SGCZ: variants seen among roughly 807,000 people sequenced by gnomAD.
SGCZ encodes zeta-sarcoglycan.
In SGCZ, 40 loss-of-function variants were observed where a neutral mutation model predicts 41.3. That is an observed-to-expected ratio of 0.97 (90% CI 0.75 to 1.26). The LOEUF is 1.26. SGCZ is among the 50% of genes most tolerant of loss of function. The pLI is 0.00. For synonymous variants in SGCZ, 206 were observed against 137.5 expected, an observed-to-expected ratio of 1.50 and a Z score of -3.49; for missense variants, 552 against 369.8, an observed-to-expected ratio of 1.49 and a Z score of -4.04.
intron 1 of SGCZ, among the ~76,000 whole-genome samples, chr8:14,735,737 G>A (rs1273858238): frequency 6.6e-6 from 1 of 152,068 alleles, no homozygotes; most frequent in Non-Finnish European, 1.5e-5. Context: ...TCCCTCTGGA[G>A]AATCCTGACT....
intron 1 of SGCZ, among the ~76,000 whole-genome samples, chr8:14,849,009 T>G (rs1803229174): frequency 6.6e-6 from 1 of 152,072 alleles, no homozygotes; most frequent in Non-Finnish European, 1.5e-5. Context: ...AATTAAAAAT[T>G]TAGTAAAATA....
chr8:15,109,761 A>G (rs545198959), intron 1 of SGCZ, among the ~76,000 whole-genome samples: 131 of 152,308 alleles, frequency 8.6e-4, no homozygotes, highest in African/African-American at 2.7e-3. Flanking sequence ...TAGTTTTGTG[A>G]ACATGTTAGC....
intron 1 of SGCZ, among the ~76,000 whole-genome samples, chr8:14,781,506 A>G (rs1472218448): frequency 6.6e-6 from 1 of 152,138 alleles, no homozygotes; most frequent in Non-Finnish European, 1.5e-5. Flanking sequence ...TGGCATTTAC[A>G]GCCTGAGCCA....
rs573983950 is a variant in SGCZ at position 14,375,107 on chromosome 8, T to C, written c.235-50903A>G. Among the ~76,000 whole-genome samples the C allele has an allele frequency of 8.9e-5, 13 of 145,960 alleles. No homozygotes were observed. In the South Asian group the frequency reaches 1.3e-3, roughly 14 times the overall value. On this transcript the variant is annotated intron_variant, in intron 2 of 7. Coordinates refer to ENST00000382080, the MANE Select transcript of SGCZ (RefSeq NM_139167.4). ...CAGAAAAGGGGGACAATCAGATAGA[T>C]AGATAGACAGACAGACAGACAGACA...
At chr8:14,978,781 C>A (rs1801570969) in intron 1 of SGCZ, among the ~76,000 whole-genome samples, 1 of 144,530 alleles carries the variant, frequency 6.9e-6, no homozygotes, top group African/African-American at 2.5e-5. Flanking sequence ...GATTTCCTGC[C>A]ATCAGAGTTT....
chr8:14,528,872 T>C (rs1346147791), intron 2 of SGCZ, among the ~76,000 whole-genome samples: 1 of 143,262 alleles, frequency 7.0e-6, no homozygotes, highest in Non-Finnish European at 1.5e-5. Flanking sequence ...AGTGCCAAAA[T>C]CTTCAAATTT....
At chr8:14,736,223 C>G (rs1799024820) in intron 1 of SGCZ, among the ~76,000 whole-genome samples, 1 of 152,070 alleles carries the variant, frequency 6.6e-6, no homozygotes, top group Non-Finnish European at 1.5e-5. Flanking sequence ...ACCTTTTGTT[C>G]TTCTGATTTC....
intron 1 of SGCZ, among the ~76,000 whole-genome samples, chr8:15,152,438 G>A (rs184306223): frequency 2.6e-5 from 4 of 152,284 alleles, no homozygotes; most frequent in Admixed American, 2.0e-4. Flanking sequence ...GAGAAACAAG[G>A]TGTTAGAACA....
At chr8:15,034,348 C>A (rs980862783) in intron 1 of SGCZ, among the ~76,000 whole-genome samples, 1 of 151,824 alleles carries the variant, frequency 6.6e-6, no homozygotes, top group Non-Finnish European at 1.5e-5. Context: ...GCATCACTAG[C>A]AGAAGTGATC....
At chr8:14,223,362 G>T (rs957404103) in intron 4 of SGCZ, among the ~76,000 whole-genome samples, 1 of 151,966 alleles carries the variant, frequency 6.6e-6, no homozygotes, top group Non-Finnish European at 1.5e-5. Flanking sequence ...CTTTACATTT[G>T]TAAGTTAATT....
intron 4 of SGCZ, among the ~76,000 whole-genome samples, chr8:14,205,919 T>C (rs948754010): frequency 5.3e-5 from 8 of 152,144 alleles, no homozygotes; most frequent in Non-Finnish European, 1.2e-4. Context: ...TAGGGCATTT[T>C]TCTCTATTTT....
Position 14,399,269 on chromosome 8 carries a change from T to C in SGCZ, c.235-75065A>G, listed in dbSNP as rs141273778. On this transcript the variant is annotated intron_variant, in intron 2 of 7. Coordinates refer to ENST00000382080, the MANE Select transcript of SGCZ (RefSeq NM_139167.4). ...ATAATACTTATTGTTTGTCACAAAATAATCTGTGACCATAATTGCTTAGAT... is the reference window on the plus strand; with the variant it reads ...ATAATACTTATTGTTTGTCACAAAACAATCTGTGACCATAATTGCTTAGAT... Among the ~76,000 whole-genome samples, 26 of 152,288 alleles carry C rather than the reference T, an allele frequency of 1.7e-4. No individual in the cohort carries two copies. In the East Asian group the frequency reaches 5.0e-3, roughly 29 times the overall value.
intron 2 of SGCZ, among the ~76,000 whole-genome samples, chr8:14,338,841 C>A (rs773117960): frequency 6.6e-6 from 1 of 151,984 alleles, no homozygotes; most frequent in Non-Finnish European, 1.5e-5. Context: ...TGCCCTATGA[C>A]AAGAGTGCTC....
intron 2 of SGCZ, among the ~76,000 whole-genome samples, chr8:14,533,279 C>A (rs1803192726): frequency 6.6e-6 from 1 of 151,754 alleles, no homozygotes; most frequent in Non-Finnish European, 1.5e-5. Flanking sequence ...TTGTGTACAT[C>A]CAATGTACCT....
At chr8:14,913,564 G>A (rs1309283607) in intron 1 of SGCZ, among the ~76,000 whole-genome samples, 1 of 152,008 alleles carries the variant, frequency 6.6e-6, no homozygotes, top group East Asian at 1.9e-4. Context: ...ATGTTAAGAT[G>A]TCTCTGCAAC....
At chr8:14,180,353 T>C (rs1252822610) in intron 4 of SGCZ, among the ~76,000 whole-genome samples, 1 of 152,074 alleles carries the variant, frequency 6.6e-6, no homozygotes, top group Non-Finnish European at 1.5e-5. Context: ...CTTGGACCTA[T>C]CCACTCTGAA....
At chr8:15,063,918 A>G (rs1473769776) in intron 1 of SGCZ, among the ~76,000 whole-genome samples, 1 of 152,126 alleles carries the variant, frequency 6.6e-6, no homozygotes, top group African/African-American at 2.4e-5. Context: ...GCCCTGAGTC[A>G]AGGTTTGTAT....
At chr8:14,398,105 A>G (rs1234010704) in intron 2 of SGCZ, among the ~76,000 whole-genome samples, 1 of 152,128 alleles carries the variant, frequency 6.6e-6, no homozygotes, top group Admixed American at 6.6e-5. Flanking sequence ...ATTGACATCA[A>G]GTAGTCTAGA....
At chr8:14,870,987 C>A (rs1804128584) in intron 1 of SGCZ, among the ~76,000 whole-genome samples, 1 of 152,080 alleles carries the variant, frequency 6.6e-6, no homozygotes, top group East Asian at 1.9e-4. Context: ...GCAGGAGGAT[C>A]ACCTGAAGTG....
Sources: gnomAD v4.1 joint callset for allele counts (sites outside exome capture counted in the v4.1 genomes callset) on GRCh38, gnomAD v4.1.1 for gene constraint, MANE v1.5 for transcripts, NCBI Gene and HGNC (gene_info 2026-07-23, HGNC 2026-07-21) for gene names.